Variants in KLF17 observed in about 807,000 individuals in gnomAD.
KLF17 encodes the protein KLF transcription factor 17.
In KLF17, 31 loss-of-function variants were observed where a neutral mutation model predicts 34.2. The ratio of observed to expected loss-of-function variants is 0.91; its 90% CI spans 0.68 to 1.22. The LOEUF (loss-of-function observed/expected upper bound fraction) is 1.22, where lower values mean the gene tolerates loss of function less well. Ranked by LOEUF, KLF17 falls within the 50% of genes most tolerant of loss-of-function variation. KLF17 has a pLI of 0.00. For synonymous variants in KLF17, 179 were observed against 186.7 expected, an observed-to-expected ratio of 0.96 and a Z score of 0.34; for missense variants, 478 against 505.2, an observed-to-expected ratio of 0.95 and a Z score of 0.52.
At chr1:44,058,157 A>C in the KLF17 span, among the ~76,000 whole-genome samples, 1 of 152,216 alleles carries the variant, frequency 6.6e-6, no homozygotes, top group African/African-American at 2.4e-5. Context: ...ATTACGTATC[A>C]TCTTCACCCC....
chr1:44,065,070 C>T, the KLF17 span, among the ~76,000 whole-genome samples: 2 of 152,048 alleles, frequency 1.3e-5, no homozygotes, highest in African/African-American at 4.8e-5. Context: ...GGGCGGATCA[C>T]GAGGTCAGGA....
chr1:44,066,772 T>A, the KLF17 span, among the ~76,000 whole-genome samples: 1 of 152,162 alleles, frequency 6.6e-6, no homozygotes, highest in Non-Finnish European at 1.5e-5. Flanking sequence ...ACCATTCAAA[T>A]GCCTGGTGAC....
the KLF17 span, among the ~76,000 whole-genome samples, chr1:44,081,192 C>T: frequency 6.9e-6 from 1 of 144,772 alleles, no homozygotes; most frequent in South Asian, 2.2e-4. Flanking sequence ...CGCCATTGCA[C>T]TCCAGCCTGG....
At chr1:44,098,595 G>T in the KLF17 span, among the ~76,000 whole-genome samples, 1 of 139,780 alleles carries the variant, frequency 7.2e-6, no homozygotes, top group Non-Finnish European at 1.5e-5. Flanking sequence ...CTGTCACCCA[G>T]GCTGGAGTGC....
the KLF17 span, among the ~76,000 whole-genome samples, chr1:44,108,660 CTTTTTTTTTTTT>C: frequency 1.6e-4 from 12 of 75,344 alleles, no homozygotes; most frequent in Admixed American, 2.1e-3. Flanking sequence ...TTTGTTAGCT[CTTTTTTTTTTTT>C]TTTTTTTTTT....
chr1:44,107,350 C>T, the KLF17 span: 1 of 152,244 alleles, frequency 6.6e-6, no homozygotes, highest in African/African-American at 2.4e-5. Flanking sequence ...GGTTATCCAC[C>T]CGCCTCGGCT....
chr1:44,100,720 A>C, the KLF17 span, among the ~76,000 whole-genome samples: 1 of 151,992 alleles, frequency 6.6e-6, no homozygotes, highest in Non-Finnish European at 1.5e-5. Context: ...CAGTGGCGCA[A>C]TCTCCACTCA....
chr1:44,126,942 C>T (rs1457268691), intron 1 of KLF17, among the ~76,000 whole-genome samples: 1 of 151,998 alleles, frequency 6.6e-6, no homozygotes, highest in African/African-American at 2.4e-5. Context: ...GTCACCCAGG[C>T]TGGACAGCAG....
the KLF17 span, among the ~76,000 whole-genome samples, chr1:44,088,813 C>T: frequency 8.6e-5 from 13 of 151,948 alleles, no homozygotes; most frequent in Admixed American, 6.6e-5. Context: ...GGAGCTAGAG[C>T]GTTAGGTGTG....
chr1:44,073,275 C>T, the KLF17 span, among the ~76,000 whole-genome samples: 6 of 147,612 alleles, frequency 4.1e-5, no homozygotes, highest in Admixed American at 6.9e-5. Context: ...GGTGCAATTT[C>T]GGCTCACCGC....
At chr1:44,054,478 CTTTTTT>C in the KLF17 span, among the ~76,000 whole-genome samples, 1 of 100,202 alleles carries the variant, frequency 1.0e-5, no homozygotes, top group African/African-American at 3.9e-5. Flanking sequence ...ATCAGTGTGC[CTTTTTT>C]TTTTTTTTTT....
chr1:44,125,643 T>A (rs1244842919), intron 1 of KLF17, among the ~76,000 whole-genome samples: 2 of 152,158 alleles, frequency 1.3e-5, no homozygotes, highest in Non-Finnish European at 2.9e-5. Flanking sequence ...AATTTTTGTA[T>A]TTTTAGTTGA....
the KLF17 span, chr1:44,103,497 G>T: frequency 4.7e-6 from 5 of 1,063,916 alleles, no homozygotes; most frequent in Non-Finnish European, 1.4e-6. Context: ...CCCATAGGCC[G>T]AGCTCAGCGC....
chr1:44,122,434 C>G, intron 1 of KLF17: 2 of 1,397,948 alleles, frequency 1.4e-6, no homozygotes, highest in African/African-American at 1.4e-5. Context: ...GTGACTGTTC[C>G]ATGGACCTGT....
chr1:44,100,306 C>T, the KLF17 span, among the ~76,000 whole-genome samples: 431 of 150,918 alleles, frequency 2.9e-3, 2 homozygotes, highest in African/African-American at 0.01. Context: ...ACTGGTGACC[C>T]ATACTGGGTC....
chr1:44,057,943 CA>C, the KLF17 span, among the ~76,000 whole-genome samples: 50 of 152,198 alleles, frequency 3.3e-4, no homozygotes, highest in Non-Finnish European at 6.9e-4. Context: ...TGCCACCATA[CA>C]GGGGACTGAA....
chr1:44,079,072 A>T, the KLF17 span, among the ~76,000 whole-genome samples: 1 of 151,126 alleles, frequency 6.6e-6, no homozygotes, highest in Admixed American at 6.6e-5. Flanking sequence ...CTTTAACAGT[A>T]TGTTGAATTT....
rs1352540262 is a variant in KLF17 at position 44,133,350 on chromosome 1, A to C, written c.*113A>C. On this transcript the variant is annotated 3_prime_UTR_variant, in exon 4 of 4. Transcript: ENST00000372299. ...ATTCAGAAAAATGTTTTTTGAGCCT[A>C]CAATACTGAGCGCAACAAGGCTGTG... is the stretch of plus-strand genomic sequence containing the variant. 6.6e-6 allele frequency: 1 copy of C among 152,242 alleles called. No individual in the cohort carries two copies. The highest frequency in any genetic ancestry group is 2.4e-5 in the African/African-American group (1 of 41,442). 9.4% of individuals were successfully genotyped at this position (152,242 alleles called of 1,614,324 possible). A position where few individuals can be genotyped will look rare whatever the true frequency, so the allele number is the denominator to read the frequency against.
At chr1:44,093,731 G>A in the KLF17 span, among the ~76,000 whole-genome samples, 87 of 152,266 alleles carry the variant, frequency 5.7e-4, no homozygotes, top group African/African-American at 1.9e-3. Context: ...GATGTTCAAC[G>A]TCAGTGCTTC....
Sources: gnomAD v4.1 joint callset for allele counts (sites outside exome capture counted in the v4.1 genomes callset) on GRCh38, gnomAD v4.1.1 for gene constraint, MANE v1.5 for transcripts, NCBI Gene and HGNC (gene_info 2026-07-23, HGNC 2026-07-21) for gene names.